Variants in NOS1 observed in about 807,000 individuals in gnomAD.
NOS1 encodes nitric oxide synthase 1.
In NOS1, 51 loss-of-function variants were observed where a neutral mutation model predicts 164.5. That is an observed-to-expected ratio of 0.31 (90% CI 0.25 to 0.39). The LOEUF (loss-of-function observed/expected upper bound fraction) is 0.39, where lower values mean the gene tolerates loss of function less well. Among genes scored for constraint, NOS1 ranks in the 10% least tolerant of loss-of-function variants. NOS1 has a pLI of 1.00. For missense variants in NOS1, 1,362 were observed against 1,885.6 expected (o/e 0.72, Z 5.14); for synonymous variants, 719 against 745.8 (o/e 0.96, Z 0.59).
chr12:117,278,478 C>T (rs1245036222), intron 8 of NOS1, among the ~76,000 whole-genome samples: 1 of 152,136 alleles, frequency 6.6e-6, no homozygotes, highest in East Asian at 1.9e-4. Context: ...AGGGCTGAAC[C>T]TGACTAACAA....
intron 16 of NOS1, among the ~76,000 whole-genome samples, chr12:117,257,607 CTTTTTTT>C (rs151304592): frequency 0.13 from 13,313 of 99,496 alleles, 724 homozygotes; most frequent in South Asian, 0.17. Context: ...TTGATTTTAG[CTTTTTTT>C]TTTTTTTTTT....
Position 117,208,474 on chromosome 12 carries a change from G to T in NOS1, c.*6835C>A. On this transcript the variant is annotated 3_prime_UTR_variant, in exon 29 of 29. Coordinates refer to ENST00000317775, the MANE Select transcript of NOS1 (RefSeq NM_000620.5). ...TCCCCAGCTTCCCAAGCCCGGAACG[G>T]ACACTGCGACGTGGGGTGCCCGGCA... The T allele has an allele frequency of 2.4e-6, 3 of 1,269,756 alleles. No homozygotes were observed. The highest frequency in any genetic ancestry group is 3.1e-6 in the Non-Finnish European group (3 of 977,560). The allele number at this position is 1,269,756 out of a possible 1,614,324, so 78.7% of individuals were successfully genotyped here. A position where few individuals can be genotyped will look rare whatever the true frequency, so the allele number is the denominator to read the frequency against.
intron 3 of NOS1, among the ~76,000 whole-genome samples, chr12:117,297,548 T>A (rs1369337516): frequency 6.6e-6 from 1 of 152,132 alleles, no homozygotes; most frequent in Non-Finnish European, 1.5e-5. Context: ...TGTGCCACCA[T>A]GCCTGGCTAA....
intron 24 of NOS1, among the ~76,000 whole-genome samples, chr12:117,226,379 C>T (rs1184370664): frequency 2.0e-5 from 3 of 152,124 alleles, no homozygotes; most frequent in South Asian, 2.1e-4. Flanking sequence ...CTAGCCCATA[C>T]GGTCCATGAA....
At chr12:117,346,304 C>A (rs1025909636) in intron 1 of NOS1, among the ~76,000 whole-genome samples, 1 of 152,130 alleles carries the variant, frequency 6.6e-6, no homozygotes, top group Non-Finnish European at 1.5e-5. Context: ...AACCCCGTCT[C>A]TACTAAAAAT....
intron 18 of NOS1, among the ~76,000 whole-genome samples, chr12:117,247,059 G>A (rs1252243428): frequency 1.3e-5 from 2 of 152,134 alleles, no homozygotes; most frequent in Non-Finnish European, 1.5e-5. Flanking sequence ...TACACCAAAT[G>A]GGAGTGACGG....
At chr12:117,358,604 C>T (rs1876969703) in intron 1 of NOS1, among the ~76,000 whole-genome samples, 1 of 152,216 alleles carries the variant, frequency 6.6e-6, no homozygotes, top group Admixed American at 6.5e-5. Flanking sequence ...GTCTTCAAAA[C>T]AGCCCCGTGT....
rs1272319807 is a variant in NOS1 at position 117,213,028 on chromosome 12, C to A, written c.*2281G>T. The A allele has an allele frequency of 2.0e-6, 2 of 985,302 alleles. No individual in the cohort carries two copies. The highest frequency in any genetic ancestry group is 2.4e-6 in the Non-Finnish European group (2 of 829,932). 61.0% of individuals were successfully genotyped at this position (985,302 alleles called of 1,614,324 possible). A position where few individuals can be genotyped will look rare whatever the true frequency, so the allele number is the denominator to read the frequency against. On this transcript the variant is annotated 3_prime_UTR_variant, in exon 29 of 29. Coordinates refer to ENST00000317775, the MANE Select transcript of NOS1 (RefSeq NM_000620.5). The stretch of plus-strand genomic sequence containing the variant: ...GGTTTTATAATCATTTCTTTGGACT[C>A]CTTGACAAAATGAGACAATGTTTCC...
rs774667517 is a variant in NOS1, at chr12:117,243,395, A to G, written c.2864T>C (p.Ile955Thr). The stretch of plus-strand genomic sequence containing the variant: ...GATGAGGGAATTGTTGGCCTTTTCA[A>G]TGTTGACATCATCTCCCACACAGAA... Reference protein sequence around the residue: ...DVFCVGDDVNIEKANNSLISN... With the variant: ...DVFCVGDDVNTEKANNSLISN... The change falls in exon 19 of 29, where the codon ATT becomes ACT. Residue 955 changes from isoleucine to threonine, a missense_variant. Transcript: ENST00000317775. The surrounding 1 kb of genome is among the most constrained non-coding windows in gnomAD (Gnocchi z 4.3). 1 of 1,614,138 alleles carries G rather than the reference A, an allele frequency of 6.2e-7. No individual in the cohort carries two copies. The highest frequency in any genetic ancestry group is 1.1e-5 in the South Asian group (1 of 91,074).
chr12:117,350,094 T>C (rs1007284177), intron 1 of NOS1, among the ~76,000 whole-genome samples: 5 of 152,280 alleles, frequency 3.3e-5, no homozygotes, highest in African/African-American at 9.6e-5. Flanking sequence ...TTTTCTACAG[T>C]ATCATTGTCA....
rs544479184 is a variant in NOS1 at position 117,257,069 on chromosome 12, T to C, written c.2531+1328A>G. On this transcript the variant is annotated intron_variant, in intron 16 of 28. Transcript: ENST00000317775. ...CCTTGGTGATAACAGCGAAACTTCATCTCAAAAAAAATTTTTTTATTTTTA... is the reference window on the plus strand; with the variant it reads ...CCTTGGTGATAACAGCGAAACTTCACCTCAAAAAAAATTTTTTTATTTTTA... Among the ~76,000 whole-genome samples the C allele has an allele frequency of 5.9e-5, 9 of 151,780 alleles. No individual in the cohort carries two copies. In the South Asian group the frequency reaches 8.4e-4, roughly 14 times the overall value.
chr12:117,252,953 GT>G (rs1871205414), intron 17 of NOS1, among the ~76,000 whole-genome samples: 1 of 152,130 alleles, frequency 6.6e-6, no homozygotes, highest in Non-Finnish European at 1.5e-5. Flanking sequence ...TGACATCCCT[GT>G]TTTCTTTCCT....
At chr12:117,292,978 T>A (rs561010188) in intron 3 of NOS1, among the ~76,000 whole-genome samples, 1 of 152,240 alleles carries the variant, frequency 6.6e-6, no homozygotes, top group Admixed American at 6.5e-5. Context: ...CACATCTAAC[T>A]TCTAGGTCAA....
At chr12:117,326,568 G>GT (rs994246217) in intron 2 of NOS1, among the ~76,000 whole-genome samples, 1 of 152,170 alleles carries the variant, frequency 6.6e-6, no homozygotes, top group African/African-American at 2.4e-5. Flanking sequence ...TCTAGACCTT[G>GT]TTTCTCCTCT....
chr12:117,359,700 A>G (rs1877025080), intron 1 of NOS1, among the ~76,000 whole-genome samples: 1 of 151,392 alleles, frequency 6.6e-6, no homozygotes, highest in African/African-American at 2.4e-5. Context: ...ATGGGAGTAG[A>G]GGGAAGAATC....
At chr12:117,321,943 T>A (rs1874951338) in intron 2 of NOS1, among the ~76,000 whole-genome samples, 1 of 133,200 alleles carries the variant, frequency 7.5e-6, no homozygotes, top group Admixed American at 7.5e-5. Flanking sequence ...CCTCCCTCTC[T>A]CCTTCCTTCC....
At chr12:117,229,941 A>G (rs1465149764) in intron 22 of NOS1, among the ~76,000 whole-genome samples, 1 of 151,522 alleles carries the variant, frequency 6.6e-6, no homozygotes, top group African/African-American at 2.4e-5. Flanking sequence ...ACTTATAGAG[A>G]TGGGGTCTTG....
Position 117,330,507 on chromosome 12 carries a change from G to T in NOS1, c.563C>A (p.Ala188Glu), listed in dbSNP as rs374847966. 7 of 1,613,906 alleles carry T rather than the reference G, an allele frequency of 4.3e-6. No homozygotes were observed. Among genetic ancestry groups the T allele is most frequent in the South Asian group, 3.3e-5 (3 of 91,090 alleles). The change falls in exon 2 of 29, where the codon GCG becomes GAG. Residue 188 changes from alanine (A) to glutamate (E), a missense_variant. This residue lies in a region of NOS1 where 362 missense variants were observed against 402.0 expected (regional missense o/e 0.90). Coordinates refer to ENST00000317775, the MANE Select transcript of NOS1 (RefSeq NM_000620.5). This position sits in a 1 kb window ranked among gnomAD's most constrained non-coding sequence, Gnocchi z 4.6. ...GAGGCTGACTCTGGTTGCTTTCTTC[G>T]CGGGGTCCTGGCCTGGGGGCCTGGG... ...LAPRPPGQDP[A>E]KKATRVSLQG...
At chr12:117,261,955 C>A (rs9658414) in intron 13 of NOS1, among the ~76,000 whole-genome samples, 4,067 of 152,272 alleles carry the variant, frequency 0.027, 88 homozygotes, top group Non-Finnish European at 0.039. Flanking sequence ...CACTAGCAGA[C>A]AGGCCAGAGG....
Sources: allele counts gnomAD v4.1 joint callset (sites outside exome capture counted in the v4.1 genomes callset), GRCh38; gene constraint gnomAD v4.1.1; regional missense constraint gnomAD v4.1.1; non-coding constraint Gnocchi (gnomAD v3.1); transcripts MANE v1.5; gene names NCBI Gene and HGNC (gene_info 2026-07-23, HGNC 2026-07-21).